The following RBFOX3 variants were observed in gnomAD, a reference collection of about 807,000 sequenced individuals.
RBFOX3 encodes RNA binding fox-1 homolog 3, also known as RNA binding protein fox-1 homolog 3.
In RBFOX3, 17 loss-of-function variants were observed where a neutral mutation model predicts 48.7. That is an observed-to-expected ratio of 0.35 (90% CI 0.24 to 0.52). The LOEUF is 0.52. Among genes scored for constraint, RBFOX3 ranks in the 20% least tolerant of loss-of-function variants. The pLI is 0.94. For synonymous variants in RBFOX3, 212 were observed against 209.5 expected, an observed-to-expected ratio of 1.01 and a Z score of -0.10; for missense variants, 382 against 497.5, an observed-to-expected ratio of 0.77 and a Z score of 2.21.
chr17:79,340,456 C>G (rs1233169417), intron 2 of RBFOX3, among the ~76,000 whole-genome samples: 1 of 152,216 alleles, frequency 6.6e-6, no homozygotes, highest in Non-Finnish European at 1.5e-5. Flanking sequence ...GGGCTTACAG[C>G]CTGAGCCGCC....
intron 3 of RBFOX3, among the ~76,000 whole-genome samples, chr17:79,265,108 T>C (rs1313806849): frequency 6.6e-6 from 1 of 152,184 alleles, no homozygotes; most frequent in African/African-American, 2.4e-5. Context: ...CAGGGTGAGC[T>C]GGGCAGAGGC....
chr17:79,634,174 C>T, the RBFOX3 span, among the ~76,000 whole-genome samples: 1 of 152,212 alleles, frequency 6.6e-6, no homozygotes, highest in Admixed American at 6.5e-5. Flanking sequence ...TTCCCAGACG[C>T]CACCCTCACA....
the RBFOX3 span, among the ~76,000 whole-genome samples, chr17:79,653,775 A>T: frequency 7.8e-5 from 9 of 115,208 alleles, no homozygotes; most frequent in South Asian, 3.0e-4. Flanking sequence ...TTTTTTTTTT[A>T]AAGTTAGCTG....
chr17:79,117,042 ACAGTG>A (rs543537490), intron 4 of RBFOX3, among the ~76,000 whole-genome samples: 26 of 152,298 alleles, frequency 1.7e-4, no homozygotes, highest in Non-Finnish European at 2.9e-4. Flanking sequence ...GGGGTCTTTC[ACAGTG>A]CCAGAGAGCA....
At position 79,311,699 on chromosome 17, in the gene RBFOX3, G is replaced by T. The variant is rs192097019; in HGVS notation, c.-174-3875C>A. 1.3e-5 allele frequency among the ~76,000 whole-genome samples: 2 copies of T among 152,276 alleles called. No individual in the cohort carries two copies. The highest frequency in any genetic ancestry group is 2.9e-5 in the Non-Finnish European group (2 of 68,018). ...TCTCGCAGGTTGGGCTCCTGGAGCT[G>T]ACTCTGTCCATCAACAGAACCAGAC... On this transcript the variant is annotated intron_variant, in intron 2 of 14. Coordinates refer to ENST00000693108, the MANE Select transcript of RBFOX3 (RefSeq NM_001350451.2). The surrounding 1 kb of genome is among the most constrained non-coding windows in gnomAD (Gnocchi z 4.2).
At chr17:79,282,831 G>A (rs949346440) in intron 3 of RBFOX3, among the ~76,000 whole-genome samples, 2 of 152,262 alleles carry the variant, frequency 1.3e-5, no homozygotes, top group African/African-American at 4.8e-5. Context: ...CCTGATGGAG[G>A]CTGGAGAAAG....
chr17:79,332,874 C>A (rs1379485961), intron 2 of RBFOX3, among the ~76,000 whole-genome samples: 2 of 130,174 alleles, frequency 1.5e-5, no homozygotes, highest in African/African-American at 2.9e-5. Context: ...GACAGAAAAA[C>A]AGAGATGGGG....
intron 4 of RBFOX3, among the ~76,000 whole-genome samples, chr17:79,227,248 G>C (rs1201665226): frequency 6.6e-6 from 1 of 152,218 alleles, no homozygotes; most frequent in African/African-American, 2.4e-5. Context: ...AGTAAGTCCT[G>C]AGAGGTCCAG....
chr17:79,209,704 A>G (rs2058085367), intron 4 of RBFOX3, among the ~76,000 whole-genome samples: 1 of 152,094 alleles, frequency 6.6e-6, no homozygotes, highest in Non-Finnish European at 1.5e-5. Context: ...CTATGAAAGG[A>G]CGGCGCTGGC....
intron 4 of RBFOX3, chr17:79,183,556 C>A (rs2052677917): frequency 6.6e-6 from 1 of 152,110 alleles, no homozygotes; most frequent in East Asian, 1.9e-4. Context: ...CCCGGTGTTC[C>A]CCCTGCCCGG....
At chr17:79,656,777 G>GAGAGAAAA in the RBFOX3 span, among the ~76,000 whole-genome samples, 1 of 101,370 alleles carries the variant, frequency 9.9e-6, no homozygotes, top group African/African-American at 4.8e-5. Flanking sequence ...AAGGAAGGAA[G>GAGAGAAAA]GAAAGAAAGA....
chr17:79,647,935 C>T, the RBFOX3 span, among the ~76,000 whole-genome samples: 1 of 151,476 alleles, frequency 6.6e-6, no homozygotes, highest in Non-Finnish European at 1.5e-5. Flanking sequence ...ACACAGAGCC[C>T]ACCTGGGGGT....
intron 4 of RBFOX3, among the ~76,000 whole-genome samples, chr17:79,155,393 A>G (rs1044978693): frequency 1.3e-5 from 2 of 152,228 alleles, no homozygotes; most frequent in Non-Finnish European, 2.9e-5. Flanking sequence ...GCAGGAAGCC[A>G]GTGGGCAGGG....
In RBFOX3 at chr17:79,204,077, A is replaced by G. The variant is rs1282235969; in HGVS notation, c.-34+31689T>C. On this transcript the variant is annotated intron_variant, in intron 4 of 14. Coordinates refer to ENST00000693108, the MANE Select transcript of RBFOX3 (RefSeq NM_001350451.2). The surrounding 1 kb of genome is among the most constrained non-coding windows in gnomAD (Gnocchi z 4.5). ...ACTTTTCTCACCTGGAGAACCAGCA[A>G]AGACCTCAACTGAGAAATTTTCTCA... is the stretch of plus-strand genomic sequence containing the variant. 1.3e-5 allele frequency among the ~76,000 whole-genome samples: 2 copies of G among 152,194 alleles called. No individual in the cohort carries two copies. Among genetic ancestry groups the G allele is most frequent in the Non-Finnish European group, 2.9e-5 (2 of 68,034 alleles).
intron 2 of RBFOX3, among the ~76,000 whole-genome samples, chr17:79,365,958 A>G (rs10445218): frequency 0.97 from 147,988 of 152,338 alleles, 72,017 homozygotes; most frequent in East Asian, 1. Context: ...CATCAGCGTC[A>G]TGACCACGCC....
At chr17:79,137,359 G>A (rs1003830491) in intron 4 of RBFOX3, among the ~76,000 whole-genome samples, 2 of 152,176 alleles carry the variant, frequency 1.3e-5, no homozygotes, top group African/African-American at 4.8e-5. Flanking sequence ...GATGACAGGA[G>A]CACCCTCCAA....
intron 3 of RBFOX3, among the ~76,000 whole-genome samples, chr17:79,289,335 C>G (rs2072752578): frequency 6.6e-6 from 1 of 152,214 alleles, no homozygotes; most frequent in Admixed American, 6.5e-5. Flanking sequence ...AGGCCTGTTT[C>G]TGCCCCGGCC....
chr17:79,317,082 C>A (rs1353234405), intron 2 of RBFOX3, among the ~76,000 whole-genome samples: 2 of 152,202 alleles, frequency 1.3e-5, no homozygotes, highest in African/African-American at 4.8e-5. Flanking sequence ...AAGGAGCTGG[C>A]ATTTCCCATA....
At chr17:79,093,401 A>T (rs1176532284) in intron 14 of RBFOX3, among the ~76,000 whole-genome samples, 1 of 152,200 alleles carries the variant, frequency 6.6e-6, no homozygotes, top group Non-Finnish European at 1.5e-5. Context: ...TCCGTGCGTT[A>T]ATGAAAGCTT....
Sources: allele counts gnomAD v4.1 joint callset (sites outside exome capture counted in the v4.1 genomes callset), GRCh38; gene constraint gnomAD v4.1.1; non-coding constraint Gnocchi (gnomAD v3.1); transcripts MANE v1.5; gene names NCBI Gene and HGNC (gene_info 2026-07-23, HGNC 2026-07-21).